The following DNAJC15 variants were observed in gnomAD, a reference collection of about 807,000 sequenced individuals.
DNAJC15 encodes the protein dnaJ homolog subfamily C member 15.
Under a neutral mutation model 22.4 loss-of-function variants are expected in DNAJC15, and 27 were observed. That is an observed-to-expected ratio of 1.20 (90% CI 0.89 to 1.66). DNAJC15 has a LOEUF of 1.66. DNAJC15 is among the 40% of genes most tolerant of loss of function. The probability of loss-of-function intolerance (pLI) is 0.00; values close to 1 mark genes in which losing one functional copy is unlikely to be tolerated. For synonymous variants in DNAJC15, 79 were observed against 63.2 expected, an observed-to-expected ratio of 1.25 and a Z score of -1.19; for missense variants, 208 against 187.1, an observed-to-expected ratio of 1.11 and a Z score of -0.65.
At chr13:43,092,053 T>A (rs2040717667) in intron 5 of DNAJC15, among the ~76,000 whole-genome samples, 1 of 152,202 alleles carries the variant, frequency 6.6e-6, no homozygotes, top group Non-Finnish European at 1.5e-5. Flanking sequence ...TCTTACTATT[T>A]CTTGTCTGCC....
chr13:43,060,050 G>C (rs553269750), intron 1 of DNAJC15, among the ~76,000 whole-genome samples: 1 of 152,188 alleles, frequency 6.6e-6, no homozygotes, highest in Non-Finnish European at 1.5e-5. Context: ...GGATGTATAC[G>C]TGCAGGTCAC....
In DNAJC15 at chr13:43,034,538, T is replaced by A. The variant is rs547298047; in HGVS notation, c.108+10804T>A. Among the ~76,000 whole-genome samples, 211 of 151,966 alleles carry A rather than the reference T, an allele frequency of 1.4e-3. 1 individual carries two copies. The highest frequency in any genetic ancestry group is 4.5e-3 in the East Asian group (23 of 5,112). On this transcript the variant is annotated intron_variant, in intron 1 of 5. Coordinates refer to ENST00000379221, the MANE Select transcript of DNAJC15 (RefSeq NM_013238.3). ...CCCCGTGTTAGCCAGGATGGTCTTG[T>A]TCTCCTGACCTAGTGATCCGCCCGC...
At chr13:43,097,071 G>C (rs1224168805) in intron 5 of DNAJC15, among the ~76,000 whole-genome samples, 1 of 152,206 alleles carries the variant, frequency 6.6e-6, no homozygotes, top group Non-Finnish European at 1.5e-5. Flanking sequence ...TTGTTATGCA[G>C]AAAAGGCTGA....
chr13:43,075,486 A>C (rs2040629272), intron 3 of DNAJC15, among the ~76,000 whole-genome samples: 1 of 152,214 alleles, frequency 6.6e-6, no homozygotes, highest in Non-Finnish European at 1.5e-5. Flanking sequence ...CTGAATAAAG[A>C]ATTATTCTAT....
chr13:43,042,170 T>G (rs773611703), intron 1 of DNAJC15, among the ~76,000 whole-genome samples: 1 of 152,222 alleles, frequency 6.6e-6, no homozygotes, highest in African/African-American at 2.4e-5. Flanking sequence ...TACTGGTCCC[T>G]TCATACACAA....
intron 1 of DNAJC15, among the ~76,000 whole-genome samples, chr13:43,034,051 G>A (rs190002201): frequency 2.5e-4 from 36 of 144,282 alleles, no homozygotes; most frequent in African/African-American, 9.0e-4. Context: ...AAAAGAAAAT[G>A]ACTTGCCAGT....
chr13:43,032,142 A>C (rs779836883), intron 1 of DNAJC15, among the ~76,000 whole-genome samples: 1 of 152,192 alleles, frequency 6.6e-6, no homozygotes, highest in Non-Finnish European at 1.5e-5. Flanking sequence ...GACGGAGAGG[A>C]AGGGGCGGTA....
intron 1 of DNAJC15, among the ~76,000 whole-genome samples, chr13:43,061,287 G>T (rs1484182497): frequency 6.6e-6 from 1 of 152,178 alleles, no homozygotes; most frequent in Non-Finnish European, 1.5e-5. Context: ...GTGGTCAGAT[G>T]AGAAGGAGAA....
At chr13:43,044,797 C>G (rs1158048867) in intron 1 of DNAJC15, among the ~76,000 whole-genome samples, 15 of 151,980 alleles carry the variant, frequency 9.9e-5, no homozygotes, top group Admixed American at 7.2e-4. Flanking sequence ...CCTCCGAACT[C>G]TATCTAGTAT....
At chr13:43,076,879 A>G (rs1230048933) in intron 3 of DNAJC15, among the ~76,000 whole-genome samples, 2 of 152,112 alleles carry the variant, frequency 1.3e-5, no homozygotes, top group African/African-American at 4.8e-5. Flanking sequence ...TACTTTACCT[A>G]TTAGAAACTT....
chr13:43,025,657 C>G (rs1453480889), intron 1 of DNAJC15, among the ~76,000 whole-genome samples: 4 of 152,218 alleles, frequency 2.6e-5, no homozygotes, highest in Non-Finnish European at 4.4e-5. Flanking sequence ...ATAATCCCAG[C>G]AATTTGGGAG....
intron 3 of DNAJC15, among the ~76,000 whole-genome samples, chr13:43,076,459 T>G (rs1263145983): frequency 1.3e-5 from 2 of 152,232 alleles, no homozygotes; most frequent in African/African-American, 4.8e-5. Flanking sequence ...CTTCTTTCTT[T>G]AATTGTATAA....
At chr13:43,045,873 T>C (rs2040474967) in intron 1 of DNAJC15, among the ~76,000 whole-genome samples, 1 of 152,246 alleles carries the variant, frequency 6.6e-6, no homozygotes, top group Non-Finnish European at 1.5e-5. Context: ...TTATATATTT[T>C]TCCTGTTAAA....
intron 5 of DNAJC15, among the ~76,000 whole-genome samples, chr13:43,094,516 G>T (rs1477866286): frequency 6.6e-6 from 1 of 152,148 alleles, no homozygotes; most frequent in East Asian, 1.9e-4. Context: ...TGTTCAGTGG[G>T]GTCCCTATGC....
At chr13:43,056,042 A>G (rs750824376) in intron 1 of DNAJC15, among the ~76,000 whole-genome samples, 2 of 151,922 alleles carry the variant, frequency 1.3e-5, no homozygotes, top group African/African-American at 2.4e-5. Context: ...ATGTATTTGC[A>G]TGGTTTTGAG....
At chr13:43,025,864 A>G (rs1187336532) in intron 1 of DNAJC15, among the ~76,000 whole-genome samples, 7 of 152,258 alleles carry the variant, frequency 4.6e-5, no homozygotes, top group Admixed American at 6.5e-5. Flanking sequence ...AGATCATGCC[A>G]CTGCACTCCA....
intron 5 of DNAJC15, among the ~76,000 whole-genome samples, chr13:43,098,170 A>G (rs1218794289): frequency 1.3e-5 from 2 of 152,226 alleles, no homozygotes; most frequent in African/African-American, 2.4e-5. Flanking sequence ...CTATGAGGAC[A>G]GAATTATGTT....
At chr13:43,038,017 C>A (rs910081448) in intron 1 of DNAJC15, among the ~76,000 whole-genome samples, 2 of 152,136 alleles carry the variant, frequency 1.3e-5, no homozygotes, top group Non-Finnish European at 2.9e-5. Flanking sequence ...CCATATTTTA[C>A]ATGTGCCTTA....
At chr13:43,073,673 A>G (rs1212772281) in intron 3 of DNAJC15, among the ~76,000 whole-genome samples, 2 of 152,218 alleles carry the variant, frequency 1.3e-5, no homozygotes, top group East Asian at 1.9e-4. Context: ...TTTTCTGTAC[A>G]TGCAAATTTT....
Sources: gnomAD v4.1 joint callset for allele counts (sites outside exome capture counted in the v4.1 genomes callset) on GRCh38, gnomAD v4.1.1 for gene constraint, MANE v1.5 for transcripts, NCBI Gene and HGNC (gene_info 2026-07-23, HGNC 2026-07-21) for gene names.